Variants in INPP5A observed in about 807,000 individuals in gnomAD.
The protein encoded by INPP5A is inositol polyphosphate-5-phosphatase A, also known as 43 kDa inositol polyphosphate 5-phophatase.
In INPP5A, 14 loss-of-function variants were observed where a neutral mutation model predicts 65.2. The ratio of observed to expected loss-of-function variants is 0.21; its 90% CI spans 0.14 to 0.34. The LOEUF (loss-of-function observed/expected upper bound fraction) is 0.34. INPP5A is among the 10% of genes least tolerant of loss of function. The probability of loss-of-function intolerance (pLI) is 1.00; values close to 1 mark genes in which losing one functional copy is unlikely to be tolerated. For missense variants in INPP5A, 431 were observed against 545.6 expected (o/e 0.79, Z 2.09); for synonymous variants, 207 against 208.3 (o/e 0.99, Z 0.05).
chr10:132,780,618 C>G (rs912446213), intron 13 of INPP5A, among the ~76,000 whole-genome samples: 1 of 152,254 alleles, frequency 6.6e-6, no homozygotes, highest in Non-Finnish European at 1.5e-5. Flanking sequence ...CCAAAAGGGC[C>G]AGGGTCAAGG....
intron 9 of INPP5A, among the ~76,000 whole-genome samples, chr10:132,731,685 G>A (rs1001744682): frequency 2.6e-5 from 4 of 152,204 alleles, no homozygotes; most frequent in South Asian, 2.1e-4. Context: ...CCAGCCCCGC[G>A]ATCAGCTTGG....
chr10:132,671,126 A>G (rs1000125827), intron 4 of INPP5A, among the ~76,000 whole-genome samples: 5 of 151,980 alleles, frequency 3.3e-5, no homozygotes, highest in Admixed American at 3.3e-4. Flanking sequence ...CTCCTTCTGG[A>G]GTGAGGCATG....
intron 8 of INPP5A, among the ~76,000 whole-genome samples, chr10:132,721,933 T>C (rs1280711427): frequency 6.6e-6 from 1 of 152,174 alleles, no homozygotes; most frequent in Non-Finnish European, 1.5e-5. Flanking sequence ...AGTGAAGTCA[T>C]GAAAAATAGT....
At chr10:132,712,275 CACACAT>C (rs1238621506) in intron 8 of INPP5A, among the ~76,000 whole-genome samples, 1 of 151,888 alleles carries the variant, frequency 6.6e-6, no homozygotes, top group East Asian at 1.9e-4. Context: ...TGTGTGTGTG[CACACAT>C]GCACATGCAT....
intron 1 of INPP5A, among the ~76,000 whole-genome samples, chr10:132,564,397 T>C (rs1017399761): frequency 6.6e-6 from 1 of 152,122 alleles, no homozygotes; most frequent in African/African-American, 2.4e-5. Context: ...TTGGAGGCCC[T>C]GACCTGCTCA....
At chr10:132,712,401 G>A (rs1400282294) in intron 8 of INPP5A, among the ~76,000 whole-genome samples, 1 of 151,932 alleles carries the variant, frequency 6.6e-6, no homozygotes, top group East Asian at 1.9e-4. Flanking sequence ...GTGCATGTGT[G>A]GGTGCACGAG....
At chr10:132,599,123 C>T (rs1306278428) in intron 1 of INPP5A, among the ~76,000 whole-genome samples, 3 of 152,210 alleles carry the variant, frequency 2.0e-5, no homozygotes, top group Non-Finnish European at 4.4e-5. Context: ...GTTATGCCTT[C>T]CCAACAGTCT....
rs904400994 is a variant in INPP5A, at chr10:132,704,705, G to A, written c.475-3608G>A. ...GCTGTTCCAGGTGGGCCGTCTCCCC[G>A]GAAAGTGCAGGCTGGATTTGGACGT... is the stretch of plus-strand genomic sequence containing the variant. On this transcript the variant is annotated intron_variant, in intron 6 of 15. Coordinates refer to ENST00000368594, the MANE Select transcript of INPP5A (RefSeq NM_005539.5). This position sits in a 1 kb window ranked among gnomAD's most constrained non-coding sequence, Gnocchi z 4.5. Among the ~76,000 whole-genome samples the A allele has an allele frequency of 2.0e-5, 3 of 152,358 alleles. No homozygotes were observed. The highest frequency in any genetic ancestry group is 1.3e-4 in the Admixed American group (2 of 15,310).
chr10:132,551,038 C>T lies in INPP5A; in HGVS notation c.75+12867C>T, dbSNP rs2071042488. On this transcript the variant is annotated intron_variant, in intron 1 of 15. Coordinates refer to ENST00000368594, the MANE Select transcript of INPP5A (RefSeq NM_005539.5). This position sits in a 1 kb window ranked among gnomAD's most constrained non-coding sequence, Gnocchi z 5.3. Reference sequence around the variant, plus strand: ...CACTGTGGTCCATTTGGGCCAGTGGCTTCAGTAGCCACACGCTGCTTGGTC... The same window carrying T: ...CACTGTGGTCCATTTGGGCCAGTGGTTTCAGTAGCCACACGCTGCTTGGTC... 6.6e-6 allele frequency among the ~76,000 whole-genome samples: 1 copy of T among 152,218 alleles called. No homozygotes were observed. Among genetic ancestry groups the T allele is most frequent in the Non-Finnish European group, 1.5e-5 (1 of 68,042 alleles).
At chr10:132,728,255 A>C (rs1472203221) in intron 9 of INPP5A, among the ~76,000 whole-genome samples, 1 of 152,186 alleles carries the variant, frequency 6.6e-6, no homozygotes, top group Admixed American at 6.5e-5. Context: ...TTTTTAAAGC[A>C]CACATCCCCC....
chr10:132,631,365 G>A (rs370053737), intron 2 of INPP5A, among the ~76,000 whole-genome samples: 6 of 152,160 alleles, frequency 3.9e-5, no homozygotes, highest in Admixed American at 2.0e-4. Context: ...GCCCAGCCCC[G>A]AAGGGACCTG....
At chr10:132,666,862 T>C (rs1244114426) in intron 4 of INPP5A, among the ~76,000 whole-genome samples, 2 of 152,208 alleles carry the variant, frequency 1.3e-5, no homozygotes, top group African/African-American at 4.8e-5. Context: ...TAGAGAAAGA[T>C]ATCTGTGCAT....
rs189763861 is a variant in INPP5A at position 132,580,835 on chromosome 10, T to C, written c.76-27080T>C. Among the ~76,000 whole-genome samples the C allele has an allele frequency of 2.5e-4, 38 of 152,374 alleles. 1 individual carries two copies. Among genetic ancestry groups the C allele is most frequent in the Admixed American group, 2.0e-3 (31 of 15,310 alleles). On this transcript the variant is annotated intron_variant, in intron 1 of 15. Coordinates refer to ENST00000368594, the MANE Select transcript of INPP5A (RefSeq NM_005539.5). ...AGGTAAATTGCTGACATCAGCATAC[T>C]TCCCCCAAATGCTTCTGTGTGAATA... is the stretch of plus-strand genomic sequence containing the variant.
Position 132,727,046 on chromosome 10 carries a change from T to G in INPP5A, c.732+141T>G, listed in dbSNP as rs1232490090. ...CACTTTTTAAGGCAAAACCTTTCAA[T>G]GAAGAAGCATGTTTTGCTGTCGGCA... On this transcript the variant is annotated intron_variant, in intron 9 of 15. Transcript: ENST00000368594. This position sits in a 1 kb window ranked among gnomAD's most constrained non-coding sequence, Gnocchi z 6.5. 2.7e-5 allele frequency: 14 copies of G among 521,020 alleles called. No individual in the cohort carries two copies. The highest frequency in any genetic ancestry group is 4.4e-5 in the Non-Finnish European group (13 of 298,246). 32.3% of individuals were successfully genotyped at this position (521,020 alleles called of 1,614,324 possible).
intron 5 of INPP5A, among the ~76,000 whole-genome samples, chr10:132,692,694 A>T (rs1315492242): frequency 6.6e-6 from 1 of 152,250 alleles, no homozygotes; most frequent in Non-Finnish European, 1.5e-5. Context: ...TCATATTCAG[A>T]AAAAGATTAT....
chr10:132,621,779 T>C (rs1213997103), intron 2 of INPP5A, among the ~76,000 whole-genome samples: 2 of 150,638 alleles, frequency 1.3e-5, no homozygotes, highest in Non-Finnish European at 2.9e-5. Flanking sequence ...GTGAGGGGGG[T>C]ATGTCTTTTT....
chr10:132,753,283 C>G lies in INPP5A; in HGVS notation c.903+3438C>G, dbSNP rs1435522046. Among the ~76,000 whole-genome samples the G allele has an allele frequency of 1.3e-5, 2 of 152,162 alleles. No homozygotes were observed. The highest frequency in any genetic ancestry group is 4.8e-5 in the African/African-American group (2 of 41,434). ...GGAGCCTGGGGAGATAATCCCATCT[C>G]CACGGTCCGGTTAAACACACAGCAC... On this transcript the variant is annotated intron_variant, in intron 11 of 15. Transcript: ENST00000368594. The surrounding 1 kb of genome is among the most constrained non-coding windows in gnomAD (Gnocchi z 5.3).
In INPP5A at chr10:132,741,139, G is replaced by A. The variant is rs1474304066; in HGVS notation, c.733-8378G>A. 1.3e-5 allele frequency among the ~76,000 whole-genome samples: 2 copies of A among 152,158 alleles called. No homozygotes were observed. Among genetic ancestry groups the A allele is most frequent in the African/African-American group, 2.4e-5 (1 of 41,440 alleles). The stretch of plus-strand genomic sequence containing the variant: ...TCCCAGATACTCAGGAGGCTGAGGC[G>A]GGAGGATTGCTTGAGCCCGGAGGTC... On this transcript the variant is annotated intron_variant, in intron 9 of 15. Coordinates refer to ENST00000368594, the MANE Select transcript of INPP5A (RefSeq NM_005539.5). This position sits in a 1 kb window ranked among gnomAD's most constrained non-coding sequence, Gnocchi z 4.4.
intron 1 of INPP5A, among the ~76,000 whole-genome samples, chr10:132,600,454 C>T (rs559020177): frequency 4.3e-4 from 65 of 152,330 alleles, no homozygotes; most frequent in Non-Finnish European, 7.9e-4. Context: ...GTCTGTATTG[C>T]TGTTGGCATT....
Sources: allele counts gnomAD v4.1 joint callset (sites outside exome capture counted in the v4.1 genomes callset), GRCh38; gene constraint gnomAD v4.1.1; non-coding constraint Gnocchi (gnomAD v3.1); transcripts MANE v1.5; gene names NCBI Gene and HGNC (gene_info 2026-07-23, HGNC 2026-07-21).